The following AP2A1 variants were observed in gnomAD, a reference collection of about 807,000 sequenced individuals.
AP2A1 encodes AP-2 complex subunit alpha-1.
A neutral mutation model predicts 107.3 loss-of-function variants in AP2A1; 21 were observed. The ratio of observed to expected loss-of-function variants is 0.20; its 90% CI spans 0.14 to 0.28. AP2A1 has a LOEUF of 0.28. Ranked by LOEUF, AP2A1 falls within the 10% of genes least tolerant of loss-of-function variation. AP2A1 has a pLI of 1.00. For synonymous variants in AP2A1, 602 were observed against 564.8 expected (o/e 1.07, Z -0.93); for missense variants, 873 against 1,307.7 (o/e 0.67, Z 5.13).
intron 15 of AP2A1, chr19:49,802,410 CCTT>C (rs779943806): frequency 1.3e-4 from 137 of 1,025,130 alleles, no homozygotes; most frequent in Non-Finnish European, 1.7e-4. Flanking sequence ...TTCCTTTTCT[CCTT>C]CTCTCCTTCC....
chr19:49,799,259 G>A, intron 8 of AP2A1, 68 bp from the exon 9 acceptor site: 1 of 1,537,676 alleles, frequency 6.5e-7, no homozygotes, highest in East Asian at 2.3e-5. Flanking sequence ...GGTCAGCTGG[G>A]GCCCGAGTCC....
At chr19:49,778,078 C>G (rs748026251) in intron 1 of AP2A1, among the ~76,000 whole-genome samples, 1 of 151,996 alleles carries the variant, frequency 6.6e-6, no homozygotes, top group African/African-American at 2.4e-5. Context: ...AATACATATA[C>G]ATGCACATAT....
intron 1 of AP2A1, among the ~76,000 whole-genome samples, chr19:49,776,160 G>C (rs1024764593): frequency 6.6e-6 from 1 of 151,908 alleles, no homozygotes; most frequent in African/African-American, 2.4e-5. Context: ...GAGAGGCTGC[G>C]TGGTCTGGCC....
intron 1 of AP2A1, among the ~76,000 whole-genome samples, 157 bp from the exon 2 acceptor site, chr19:49,781,600 C>G (rs950240876): frequency 1.4e-4 from 21 of 152,192 alleles, no homozygotes; most frequent in Middle Eastern, 3.4e-3. Flanking sequence ...CTTTGAAACT[C>G]CCAGCCAGAG....
At chr19:49,786,451 G>C (rs1341986297) in intron 4 of AP2A1, among the ~76,000 whole-genome samples, 1 of 152,218 alleles carries the variant, frequency 6.6e-6, no homozygotes, top group African/African-American at 2.4e-5. Flanking sequence ...CAGTGCTCTG[G>C]GGGCTGTTGT....
At chr19:49,799,823 G>A in intron 10 of AP2A1, 57 bp downstream of exon 10, 1 of 1,583,208 alleles carries the variant, frequency 6.3e-7, no homozygotes, top group South Asian at 1.1e-5. Context: ...GGTGGCTGGG[G>A]GCCTGGATTC....
In AP2A1 at chr19:49,806,909, A is replaced by T; in HGVS notation, c.*151A>T. 1 of 1,536,114 alleles carries T rather than the reference A, an allele frequency of 6.5e-7. No homozygotes were observed. The highest frequency in any genetic ancestry group is 8.7e-7 in the Non-Finnish European group (1 of 1,147,040). ...CTTTCCTCCGGCCTTTTGTATTTTTATTTTTGTTCATCTGCTGCTGTTTAC... is the reference window on the plus strand; with the variant it reads ...CTTTCCTCCGGCCTTTTGTATTTTTTTTTTTGTTCATCTGCTGCTGTTTAC... On this transcript the variant is annotated 3_prime_UTR_variant, in exon 23 of 23. Transcript: ENST00000354293.
In AP2A1 at chr19:49,801,449, G is replaced by C; in HGVS notation, c.1613G>C (p.Arg538Pro). 6.2e-7 allele frequency: 1 copy of C among 1,613,794 alleles called. No homozygotes were observed. Among genetic ancestry groups the C allele is most frequent in the Admixed American group, 1.7e-5 (1 of 60,022 alleles). The change falls in exon 13 of 23, where the codon CGG becomes CCG. Residue 538 changes from arginine to proline, a missense_variant. Physicochemically the swap from Arg to Pro is moderately radical, Grantham distance 103 (BLOSUM62 -2). This residue lies in a region of AP2A1 where 213 missense variants were observed against 443.5 expected (regional missense o/e 0.48). Coordinates refer to ENST00000354293, the MANE Select transcript of AP2A1 (RefSeq NM_130787.3). Reference sequence around the variant, plus strand: ...TTCCATCTGTGCAGCGTGGCCACGCGGGCGCTGCTGCTGTCCACCTACATC... The same window carrying C: ...TTCCATCTGTGCAGCGTGGCCACGCCGGCGCTGCTGCTGTCCACCTACATC... ...SKFHLCSVAT[R>P]ALLLSTYIKF...
chr19:49,767,288 G>GA, intron 1 of AP2A1, 88 bp downstream of exon 1: 1 of 1,516,238 alleles, frequency 6.6e-7, no homozygotes, highest in Non-Finnish European at 9.0e-7. Flanking sequence ...GGACCCGGGG[G>GA]ATCAAAAGCC....
At chr19:49,787,336 TTGTTTTTTTTGTTTTTTG>T (rs1262197787) in intron 4 of AP2A1, among the ~76,000 whole-genome samples, 1 of 105,134 alleles carries the variant, frequency 9.5e-6, no homozygotes. Flanking sequence ...CTTTTTTTGT[TTGTTTTTTTTGTTTTTTG>T]TTTTTTTTTT....
rs2073357111 is a variant in AP2A1 at position 49,805,493 on chromosome 19, C to T, written c.2385C>T (p.Asp795=). Residue 795 remains aspartate (D), a synonymous_variant, in exon 19 of 23, where the codon GAC becomes GAT. Coordinates refer to ENST00000354293, the MANE Select transcript of AP2A1 (RefSeq NM_130787.3). The part of the protein sequence containing the change: ...VQTKRVAAQV[D]GGAQVQQVLN... ...CCAAGCGCGTGGCGGCGCAGGTGGA[C>T]GGCGGCGCGCAGGTGCAGCAGGTGC... is the stretch of plus-strand genomic sequence containing the variant. 1.3e-6 allele frequency: 2 copies of T among 1,554,538 alleles called. No individual in the cohort carries two copies. Among genetic ancestry groups the T allele is most frequent in the Non-Finnish European group, 1.7e-6 (2 of 1,149,638 alleles).
rs1328861302 is a variant in AP2A1, at chr19:49,788,249, T to C, written c.474-3686T>C. ...CAGGCGTGAGCCACCGCGCCTGACT[T>C]GTGGTTTTATTTTTTATACTTGAAT... On this transcript the variant is annotated intron_variant, in intron 4 of 22. Transcript: ENST00000354293. This position sits in a 1 kb window ranked among gnomAD's most constrained non-coding sequence, Gnocchi z 4.5. 6.6e-6 allele frequency among the ~76,000 whole-genome samples: 1 copy of C among 152,182 alleles called. No homozygotes were observed. Among genetic ancestry groups the C allele is most frequent in the Non-Finnish European group, 1.5e-5 (1 of 68,022 alleles).
intron 5 of AP2A1, among the ~76,000 whole-genome samples, chr19:49,792,340 C>G (rs1246534073): frequency 6.7e-6 from 1 of 149,798 alleles, no homozygotes; most frequent in Non-Finnish European, 1.5e-5. Flanking sequence ...CACCTCAGCC[C>G]TCACGCCCCC....
chr19:49,776,041 A>G (rs966280277), intron 1 of AP2A1, among the ~76,000 whole-genome samples: 6 of 152,054 alleles, frequency 3.9e-5, no homozygotes, highest in Non-Finnish European at 8.8e-5. Context: ...CTCTGCCTGG[A>G]GCAAGATGTT....
chr19:49,771,449 TG>T (rs34029744), intron 1 of AP2A1, among the ~76,000 whole-genome samples: 6 of 42,606 alleles, frequency 1.4e-4, no homozygotes, highest in Admixed American at 5.6e-4. Context: ...TCTTTTTTTT[TG>T]TGACAGTCAC....
intron 13 of AP2A1, 23 bp downstream of exon 13, chr19:49,801,644 C>T: frequency 4.5e-6 from 7 of 1,560,152 alleles, no homozygotes; most frequent in Non-Finnish European, 6.1e-6. Flanking sequence ...TCCCCCCACC[C>T]CACCCCTCTT....
chr19:49,790,201 G>A (rs2073124696), intron 4 of AP2A1, among the ~76,000 whole-genome samples: 1 of 152,164 alleles, frequency 6.6e-6, no homozygotes, highest in Non-Finnish European at 1.5e-5. Context: ...CCAGCTCCTA[G>A]AGGCCACCTG....
At chr19:49,787,116 C>CA (rs1295642041) in intron 4 of AP2A1, among the ~76,000 whole-genome samples, 5 of 152,060 alleles carry the variant, frequency 3.3e-5, no homozygotes, top group African/African-American at 9.7e-5. Context: ...AAGCGATCTT[C>CA]CCACCTCAGC....
In AP2A1 at chr19:49,799,315, C is replaced by G. The variant is rs748181574; in HGVS notation, c.966-12C>G. On this transcript the variant is annotated splice_polypyrimidine_tract_variant and intron_variant, in intron 8 of 22. Coordinates refer to ENST00000354293, the MANE Select transcript of AP2A1 (RefSeq NM_130787.3). ...TCTCTCACCATCCCTCTCTTGTGGC[C>G]CCTGCTGGCAGTGAGCCCAACCTCC... The G allele has an allele frequency of 1.2e-6, 2 of 1,607,570 alleles. No homozygotes were observed. Among genetic ancestry groups the G allele is most frequent in the African/African-American group, 2.7e-5 (2 of 74,890 alleles).
Sources: gnomAD v4.1 joint callset for allele counts (sites outside exome capture counted in the v4.1 genomes callset) on GRCh38, gnomAD v4.1.1 for gene constraint, gnomAD v4.1.1 regional missense constraint, Gnocchi (gnomAD v3.1) non-coding constraint, MANE v1.5 for transcripts, NCBI Gene and HGNC (gene_info 2026-07-23, HGNC 2026-07-21) for gene names.